Variants in CHL1 observed in about 807,000 individuals in gnomAD.
CHL1 encodes cell adhesion molecule L1 like, also known as neural cell adhesion molecule L1-like protein.
In CHL1, 96 loss-of-function variants were observed where a neutral mutation model predicts 141.9. The observed-to-expected ratio is 0.68, with a 90% CI of 0.57 to 0.80. The LOEUF is 0.80. Among genes scored for constraint, CHL1 ranks in the 30% least tolerant of loss-of-function variants. The pLI is 0.00. For synonymous variants in CHL1, 613 were observed against 502.2 expected, an observed-to-expected ratio of 1.22 and a Z score of -2.95; for missense variants, 1,820 against 1,457.2, an observed-to-expected ratio of 1.25 and a Z score of -4.05.
At chr3:383,368 C>T (rs1707289803) in intron 18 of CHL1, among the ~76,000 whole-genome samples, 1 of 152,078 alleles carries the variant, frequency 6.6e-6, no homozygotes, top group Admixed American at 6.5e-5. Context: ...TTTTGATGTC[C>T]TTAAAACTTG....
intron 11 of CHL1, among the ~76,000 whole-genome samples, chr3:355,351 G>T (rs1245904094): frequency 6.6e-6 from 1 of 152,064 alleles, no homozygotes; most frequent in Non-Finnish European, 1.5e-5. Flanking sequence ...CCCATGCCCG[G>T]TCCACCCTGA....
chr3:257,550 A>C (rs1342824617), intron 2 of CHL1, among the ~76,000 whole-genome samples: 1 of 151,846 alleles, frequency 6.6e-6, no homozygotes, highest in Non-Finnish European at 1.5e-5. Flanking sequence ...ATGGGGTTTC[A>C]CCATGCTGAC....
chr3:218,407 T>C (rs1700518414), intron 1 of CHL1, among the ~76,000 whole-genome samples: 1 of 152,240 alleles, frequency 6.6e-6, no homozygotes, highest in South Asian at 2.1e-4. Context: ...AGTTTGGATA[T>C]CTTTTTCCTT....
chr3:296,133 C>G (rs371879709), intron 2 of CHL1, among the ~76,000 whole-genome samples: 1 of 152,090 alleles, frequency 6.6e-6, no homozygotes, highest in Non-Finnish European at 1.5e-5. Flanking sequence ...GCTTGAGTCT[C>G]TTGGTGCATC....
At chr3:249,441 T>A (rs573144663) in intron 2 of CHL1, among the ~76,000 whole-genome samples, 14 of 152,260 alleles carry the variant, frequency 9.2e-5, no homozygotes, top group African/African-American at 3.4e-4. Flanking sequence ...CAAAGCTCAC[T>A]AAGAACCCTG....
At chr3:216,396 T>G (rs1377207780) in intron 1 of CHL1, among the ~76,000 whole-genome samples, 1 of 152,246 alleles carries the variant, frequency 6.6e-6, no homozygotes, top group Admixed American at 6.5e-5. Flanking sequence ...TTTTGTGTAT[T>G]CTTTCTAATG....
At chr3:225,811 C>A (rs920532849) in intron 1 of CHL1, among the ~76,000 whole-genome samples, 8 of 152,040 alleles carry the variant, frequency 5.3e-5, no homozygotes, top group Non-Finnish European at 1.0e-4. Flanking sequence ...AGATTGAGGC[C>A]ATCCTGGCTA....
intron 1 of CHL1, among the ~76,000 whole-genome samples, chr3:241,738 T>C (rs746357717): frequency 1.3e-5 from 2 of 152,196 alleles, no homozygotes; most frequent in Non-Finnish European, 2.9e-5. Context: ...TAAATTACTT[T>C]CTTTTTAATA....
intron 2 of CHL1, among the ~76,000 whole-genome samples, chr3:292,347 T>G (rs1697766004): frequency 6.6e-6 from 1 of 152,208 alleles, no homozygotes; most frequent in East Asian, 1.9e-4. Context: ...ATCACAAAGC[T>G]TTACTTGACT....
chr3:375,191 A>G lies in CHL1; in HGVS notation c.1752-2627A>G, dbSNP rs367860730. On this transcript the variant is annotated intron_variant, in intron 15 of 27. Coordinates refer to ENST00000256509, the MANE Select transcript of CHL1 (RefSeq NM_006614.4). ...CCATACAGGCTATAGACCATACACT[A>G]TGGTTATGAAAAATGAAATGGAGCA... Among the ~76,000 whole-genome samples, 28 of 152,254 alleles carry G rather than the reference A, an allele frequency of 1.8e-4. No individual in the cohort carries two copies. The East Asian group carries it at 3.1e-3, about 17-fold the overall frequency.
intron 20 of CHL1, 72 bp from the exon 21 acceptor site, chr3:390,629 A>T (rs1708142178): frequency 1.1e-6 from 1 of 882,584 alleles, no homozygotes. Context: ...ACATTATGAA[A>T]ATTTTTGAAA....
In CHL1 at chr3:219,105, T is replaced by C. The variant is rs553433589; in HGVS notation, c.-175+22042T>C. Among the ~76,000 whole-genome samples, 103 of 151,192 alleles carry C rather than the reference T, an allele frequency of 6.8e-4. 2 individuals are homozygous for C. In the South Asian group the frequency reaches 8.8e-3, roughly 13 times the overall value. ...TGGAGCTTGCAGTGAGCCGAGATCATGCCACTGCACTCCAGCCTGGGCGAC... is the reference window on the plus strand; with the variant it reads ...TGGAGCTTGCAGTGAGCCGAGATCACGCCACTGCACTCCAGCCTGGGCGAC... On this transcript the variant is annotated intron_variant, in intron 1 of 27. Coordinates refer to ENST00000256509, the MANE Select transcript of CHL1 (RefSeq NM_006614.4).
At chr3:304,218 T>A (rs1699020386) in intron 2 of CHL1, among the ~76,000 whole-genome samples, 4 of 152,210 alleles carry the variant, frequency 2.6e-5, no homozygotes, top group African/African-American at 9.7e-5. Flanking sequence ...TTGTTGTGTT[T>A]CTGCCAGGTT....
chr3:331,876 T>TA (rs1170227366), intron 5 of CHL1, among the ~76,000 whole-genome samples: 1 of 152,176 alleles, frequency 6.6e-6, no homozygotes, highest in Admixed American at 6.5e-5. Flanking sequence ...ACCCTAGTGA[T>TA]AAAAGCATTT....
At chr3:282,500 C>T (rs2125301868) in intron 2 of CHL1, among the ~76,000 whole-genome samples, 1 of 152,182 alleles carries the variant, frequency 6.6e-6, no homozygotes, top group East Asian at 1.9e-4. Flanking sequence ...CTTGAAGGAT[C>T]CTTAACATTT....
intron 2 of CHL1, among the ~76,000 whole-genome samples, chr3:319,207 A>C (rs922648861): frequency 1.9e-5 from 2 of 103,710 alleles, no homozygotes; most frequent in Admixed American, 1.7e-4. Flanking sequence ...TAATAGAATA[A>C]TTGTGGACTA....
At chr3:327,019 A>T (rs1257525151) in intron 4 of CHL1, among the ~76,000 whole-genome samples, 1 of 151,956 alleles carries the variant, frequency 6.6e-6, no homozygotes, top group African/African-American at 2.4e-5. Context: ...TTCAATCAAT[A>T]TGGATATATT....
chr3:339,907 C>T (rs996707310), intron 5 of CHL1, among the ~76,000 whole-genome samples: 1 of 152,158 alleles, frequency 6.6e-6, no homozygotes, highest in African/African-American at 2.4e-5. Context: ...ACTGTTATAA[C>T]TGCCTTCCTA....
At chr3:259,024 C>T (rs148772885) in intron 2 of CHL1, among the ~76,000 whole-genome samples, 271 of 150,232 alleles carry the variant, frequency 1.8e-3, no homozygotes, top group African/African-American at 6.4e-3. Context: ...GCCTCGACTT[C>T]CTGGGCTCAG....
Sources: gnomAD v4.1 joint callset for allele counts (sites outside exome capture counted in the v4.1 genomes callset) on GRCh38, gnomAD v4.1.1 for gene constraint, MANE v1.5 for transcripts, NCBI Gene and HGNC (gene_info 2026-07-23, HGNC 2026-07-21) for gene names.